The following PDE6C variants were observed in gnomAD, a reference collection of about 807,000 sequenced individuals.
PDE6C encodes phosphodiesterase 6C, also known as cone cGMP-specific 3',5'-cyclic phosphodiesterase subunit alpha'.
In PDE6C, 75 loss-of-function variants were observed where a neutral mutation model predicts 113.1. That is an observed-to-expected ratio of 0.66 (90% CI 0.55 to 0.80). PDE6C has a LOEUF of 0.80. Ranked by LOEUF, PDE6C falls within the 30% of genes least tolerant of loss-of-function variation. The probability of loss-of-function intolerance (pLI) is 0.00; values close to 1 mark genes in which losing one functional copy is unlikely to be tolerated. For missense variants in PDE6C, 912 were observed against 1,038.6 expected (o/e 0.88, Z 1.67); for synonymous variants, 375 against 363.7 (o/e 1.03, Z -0.35).
intron 15 of PDE6C, 106 bp from the exon 16 acceptor site, chr10:93,655,653 AC>A: frequency 1.0e-5 from 7 of 683,350 alleles, no homozygotes; most frequent in South Asian, 3.1e-5. Flanking sequence ...AAAAAAACAA[AC>A]AAAAAAGTGT....
intron 1 of PDE6C, among the ~76,000 whole-genome samples, chr10:93,615,764 C>G (rs190851307): frequency 1.1e-4 from 17 of 152,282 alleles, no homozygotes; most frequent in Non-Finnish European, 1.5e-5. Context: ...CTTGGGTAAG[C>G]AGATACAGGA....
At chr10:93,633,839 T>C (rs1463728223) in intron 8 of PDE6C, among the ~76,000 whole-genome samples, 2 of 152,134 alleles carry the variant, frequency 1.3e-5, no homozygotes, top group Non-Finnish European at 2.9e-5. Flanking sequence ...GGTAACATAG[T>C]GGTAAGAAGC....
intron 15 of PDE6C, 85 bp downstream of exon 15, chr10:93,646,132 C>T (rs966124877): frequency 3.7e-6 from 3 of 806,018 alleles, no homozygotes; most frequent in Admixed American, 1.8e-5. Flanking sequence ...AAAAGGGTGG[C>T]CTTGAGTTAC....
At chr10:93,646,142 C>G (rs1410327268) in intron 15 of PDE6C, 95 bp downstream of exon 15, 6 of 765,372 alleles carry the variant, frequency 7.8e-6, no homozygotes, top group African/African-American at 1.7e-5. Flanking sequence ...CCTTGAGTTA[C>G]AGCAGTTGAT....
intron 1 of PDE6C, among the ~76,000 whole-genome samples, chr10:93,618,505 C>G (rs1589692327): frequency 6.6e-6 from 1 of 152,144 alleles, no homozygotes; most frequent in East Asian, 1.9e-4. Flanking sequence ...AATGCTGATG[C>G]CTCAAGAGTT....
intron 19 of PDE6C, among the ~76,000 whole-genome samples, 156 bp downstream of exon 19, chr10:93,662,289 C>A (rs1033400262): frequency 3.3e-5 from 5 of 151,792 alleles, no homozygotes; most frequent in African/African-American, 1.2e-4. Context: ...ATGGTGTAAC[C>A]CCGTTTCTAC....
intron 21 of PDE6C, among the ~76,000 whole-genome samples, chr10:93,663,647 C>G (rs977718668): frequency 2.6e-5 from 4 of 151,684 alleles, no homozygotes; most frequent in Non-Finnish European, 4.4e-5. Flanking sequence ...GGAAGCCCTA[C>G]ATGTAGAGTA....
rs559806928 is a variant in PDE6C, at chr10:93,662,896, A to T, written c.2368-132A>T. 1.5e-5 allele frequency: 12 copies of T among 799,478 alleles called. No individual in the cohort carries two copies. The African/African-American group carries it at 1.9e-4, about 13-fold the overall frequency. The allele number at this position is 799,478 out of a possible 1,614,324, so 49.5% of individuals were successfully genotyped here. A position where few individuals can be genotyped will look rare whatever the true frequency, so the allele number is the denominator to read the frequency against. ...CACGTGTCTCTTTCCCAAACTTCAT[A>T]GGCCCGTGGTTAAACTTATCCTAGC... On this transcript the variant is annotated intron_variant, in intron 20 of 21. Coordinates refer to ENST00000371447, the MANE Select transcript of PDE6C (RefSeq NM_006204.4).
intron 4 of PDE6C, 116 bp from the exon 5 acceptor site, chr10:93,625,459 T>C (rs1034040203): frequency 3.5e-5 from 27 of 772,154 alleles, no homozygotes; most frequent in South Asian, 3.2e-4. Flanking sequence ...CTTTCAGCAC[T>C]AAAATTCCAG....
At chr10:93,635,217 T>A (rs1418110687) in intron 9 of PDE6C, among the ~76,000 whole-genome samples, 2 of 152,180 alleles carry the variant, frequency 1.3e-5, no homozygotes, top group East Asian at 1.9e-4. Flanking sequence ...TTCTTATTCT[T>A]ACGCCCAGCC....
At chr10:93,654,801 T>C (rs1462843586) in intron 15 of PDE6C, among the ~76,000 whole-genome samples, 3 of 91,332 alleles carry the variant, frequency 3.3e-5, no homozygotes, top group Non-Finnish European at 2.4e-5. Flanking sequence ...TTTCTTTCTT[T>C]CTTTCTTTCT....
At position 93,626,704 on chromosome 10, in the gene PDE6C, C is replaced by T. The variant is rs777483878; in HGVS notation, c.1004C>T (p.Pro335Leu). ...LHGKEEIKVI[P>L]TPPADHWTLI... is the part of the protein sequence containing the mutation. Reference sequence around the variant, plus strand: ...GGAAAAGAAGAGATCAAAGTGATTCCGTGAGTATTGGCAGGAAGTTGCTGC... The same window carrying T: ...GGAAAAGAAGAGATCAAAGTGATTCTGTGAGTATTGGCAGGAAGTTGCTGC... Residue 335 changes from proline to leucine, a missense_variant and splice_region_variant, in exon 6 of 22, where the codon CCG becomes CTG. By Grantham distance (98) the Pro-to-Leu change is moderately conservative. Coordinates refer to ENST00000371447, the MANE Select transcript of PDE6C (RefSeq NM_006204.4). 56 of 1,605,578 alleles carry T rather than the reference C, an allele frequency of 3.5e-5. No individual in the cohort carries two copies. Among genetic ancestry groups the T allele is most frequent in the Non-Finnish European group, 4.2e-5 (49 of 1,172,328 alleles).
At position 93,612,582 on chromosome 10, in the gene PDE6C, C is replaced by A; in HGVS notation, c.-144C>A. On this transcript the variant is annotated 5_prime_UTR_variant, in exon 1 of 22. Coordinates refer to ENST00000371447, the MANE Select transcript of PDE6C (RefSeq NM_006204.4). ...GGCAGTTTGAAAGCTCTGCTTTCTG[C>A]TTGACCTTTGGAAGTCCTATGAGGG... 1.8e-6 allele frequency: 2 copies of A among 1,109,160 alleles called. No homozygotes were observed. The highest frequency in any genetic ancestry group is 2.7e-6 in the Non-Finnish European group (2 of 741,670). The allele number at this position is 1,109,160 out of a possible 1,614,324, so 68.7% of individuals were successfully genotyped here. A position where few individuals can be genotyped will look rare whatever the true frequency, so the allele number is the denominator to read the frequency against.
At chr10:93,619,573 C>T (rs55636131) in intron 1 of PDE6C, among the ~76,000 whole-genome samples, 4,118 of 152,224 alleles carry the variant, frequency 0.027, 71 homozygotes, top group Middle Eastern at 0.044. Context: ...ATTACAGGGG[C>T]GTGCCACCAC....
intron 18 of PDE6C, 134 bp downstream of exon 18, chr10:93,659,301 T>C: frequency 1.5e-6 from 1 of 680,878 alleles, no homozygotes; most frequent in Non-Finnish European, 2.6e-6. Context: ...AGTAGGCAAT[T>C]TGATTAGGCC....
intron 16 of PDE6C, among the ~76,000 whole-genome samples, chr10:93,656,171 G>C (rs17109134): frequency 0.027 from 4,161 of 152,304 alleles, 113 homozygotes; most frequent in African/African-American, 0.077. Context: ...TTTGTGCCTT[G>C]TCAAAAGAGT....
At chr10:93,637,178 A>G in intron 11 of PDE6C, 115 bp downstream of exon 11, 1 of 679,468 alleles carries the variant, frequency 1.5e-6, no homozygotes, top group Non-Finnish European at 2.7e-6. Context: ...CTCTTTCCTG[A>G]TATTTCTCAA....
chr10:93,617,546 G>A (rs2058425706), intron 1 of PDE6C, among the ~76,000 whole-genome samples: 1 of 152,120 alleles, frequency 6.6e-6, no homozygotes, highest in Admixed American at 6.5e-5. Flanking sequence ...AGCTGAGGTG[G>A]GCAGATCACC....
intron 15 of PDE6C, among the ~76,000 whole-genome samples, chr10:93,653,234 AC>A (rs768655919): frequency 6.6e-6 from 1 of 152,232 alleles, no homozygotes; most frequent in African/African-American, 2.4e-5. Context: ...GACTCCACTT[AC>A]TTTTCCCCTC....
Sources: allele counts gnomAD v4.1 joint callset (sites outside exome capture counted in the v4.1 genomes callset), GRCh38; gene constraint gnomAD v4.1.1; transcripts MANE v1.5; gene names NCBI Gene and HGNC (gene_info 2026-07-23, HGNC 2026-07-21).